The following ATG7 variants were observed in gnomAD, a reference collection of about 807,000 sequenced individuals.
The protein encoded by ATG7 is autophagy related 7, also known as ubiquitin-like modifier-activating enzyme ATG7.
A neutral mutation model predicts 82.4 loss-of-function variants in ATG7; 70 were observed. The observed-to-expected ratio is 0.85, with a 90% CI of 0.70 to 1.04. ATG7 has a LOEUF of 1.04. Ranked by LOEUF, ATG7 falls within the 50% of genes least tolerant of loss-of-function variation. The pLI is 0.00. For synonymous variants in ATG7, 287 were observed against 313.0 expected, an observed-to-expected ratio of 0.92 and a Z score of 0.88; for missense variants, 792 against 864.3, an observed-to-expected ratio of 0.92 and a Z score of 1.05.
At chr3:11,396,535 T>C (rs1366324591) in intron 19 of ATG7, among the ~76,000 whole-genome samples, 1 of 151,738 alleles carries the variant, frequency 6.6e-6, no homozygotes, top group South Asian at 2.1e-4. Context: ...AAATAGAAAT[T>C]TAAGGCCGAG....
At chr3:11,526,245 G>C (rs575848093) in intron 20 of ATG7, among the ~76,000 whole-genome samples, 1 of 152,146 alleles carries the variant, frequency 6.6e-6, no homozygotes, top group East Asian at 1.9e-4. Context: ...ACAAAAATTA[G>C]CCGGGCCTAG....
At chr3:11,335,242 AC>A (rs1952259462) in intron 11 of ATG7, among the ~76,000 whole-genome samples, 1 of 151,860 alleles carries the variant, frequency 6.6e-6, no homozygotes, top group Non-Finnish European at 1.5e-5. Flanking sequence ...ATGTTAACTT[AC>A]ATGCTATACC....
chr3:11,512,234 C>A (rs1272790343), intron 20 of ATG7, among the ~76,000 whole-genome samples: 3 of 152,202 alleles, frequency 2.0e-5, no homozygotes, highest in Non-Finnish European at 2.9e-5. Context: ...CCCCACACCC[C>A]TCTCCCCTCC....
At chr3:11,412,302 G>C (rs2080985747) in intron 19 of ATG7, among the ~76,000 whole-genome samples, 1 of 148,874 alleles carries the variant, frequency 6.7e-6, no homozygotes, top group South Asian at 2.1e-4. Flanking sequence ...GTCCTTTCCT[G>C]AGGGAAGGAA....
At chr3:11,274,605 C>T (rs978180138) in intron 1 of ATG7, among the ~76,000 whole-genome samples, 9 of 152,066 alleles carry the variant, frequency 5.9e-5, no homozygotes, top group African/African-American at 2.2e-4. Flanking sequence ...CTAGCCACAT[C>T]GTGAAGGGCC....
At chr3:11,427,854 C>T (rs1475540073) in intron 20 of ATG7, among the ~76,000 whole-genome samples, 4 of 151,898 alleles carry the variant, frequency 2.6e-5, no homozygotes, top group Admixed American at 6.6e-5. Flanking sequence ...TCCAAATGCT[C>T]GCTGTTCTTA....
chr3:11,371,985 A>T (rs908780812), intron 18 of ATG7, among the ~76,000 whole-genome samples: 2 of 151,302 alleles, frequency 1.3e-5, no homozygotes, highest in African/African-American at 4.9e-5. Context: ...CCAAACAACC[A>T]TATAAAGCGA....
At chr3:11,563,533 G>A in the ATG7 span, among the ~76,000 whole-genome samples, 2 of 152,322 alleles carry the variant, frequency 1.3e-5, no homozygotes, top group South Asian at 2.1e-4. Context: ...CCGTGACAGT[G>A]TCCACACACA....
intron 1 of ATG7, among the ~76,000 whole-genome samples, chr3:11,273,090 T>A (rs1940865138): frequency 6.6e-6 from 1 of 152,240 alleles, no homozygotes; most frequent in Non-Finnish European, 1.5e-5. Context: ...TGCACGTGCG[T>A]GCAGTTTCCT....
intron 14 of ATG7, among the ~76,000 whole-genome samples, chr3:11,354,788 C>A (rs545617695): frequency 2.0e-5 from 3 of 151,952 alleles, no homozygotes; most frequent in Non-Finnish European, 4.4e-5. Flanking sequence ...AACAATTACA[C>A]GCTGGGACAA....
chr3:11,298,865 T>G lies in ATG7; in HGVS notation c.160+10T>G, dbSNP rs371695750. 8.1e-6 allele frequency: 13 copies of G among 1,613,616 alleles called. No individual in the cohort carries two copies. In the African/African-American group the frequency reaches 1.6e-4, roughly 20 times the overall value. Reference sequence around the variant, plus strand: ...GGTTATTACTACAATGGTAGGTGATTGTAAATTTCATTTTCCATCATCTTC... The same window carrying G: ...GGTTATTACTACAATGGTAGGTGATGGTAAATTTCATTTTCCATCATCTTC... On this transcript the variant is annotated intron_variant, in intron 4 of 20. Transcript: ENST00000693202.
chr3:11,413,895 A>G (rs1354847682), intron 19 of ATG7, among the ~76,000 whole-genome samples: 2 of 152,066 alleles, frequency 1.3e-5, no homozygotes, highest in African/African-American at 4.8e-5. Context: ...TACTGATTCA[A>G]TCTCCTTATT....
chr3:11,439,069 CTT>C (rs67206280), intron 20 of ATG7, among the ~76,000 whole-genome samples: 8 of 121,958 alleles, frequency 6.6e-5, no homozygotes, highest in Non-Finnish European at 8.2e-5. Context: ...TTCTTTCTTT[CTT>C]TTTTTTTTTT....
At chr3:11,568,246 T>G in the ATG7 span, among the ~76,000 whole-genome samples, 1 of 152,180 alleles carries the variant, frequency 6.6e-6, no homozygotes, top group Non-Finnish European at 1.5e-5. The surrounding 1 kb of genome is among the most constrained non-coding windows in gnomAD (Gnocchi z 5.9). Flanking sequence ...CCTCGCACCT[T>G]ATGTCCTAGG....
At chr3:11,493,082 A>G (rs1028792237) in intron 20 of ATG7, among the ~76,000 whole-genome samples, 7 of 152,260 alleles carry the variant, frequency 4.6e-5, no homozygotes, top group South Asian at 2.1e-4. Context: ...TTGTTGTCCA[A>G]TGCCAAAAAA....
intron 18 of ATG7, among the ~76,000 whole-genome samples, chr3:11,373,630 C>T (rs1575803626): frequency 6.6e-6 from 1 of 152,168 alleles, no homozygotes; most frequent in South Asian, 2.1e-4. Flanking sequence ...AGGAAGGTCA[C>T]GGTGAATTTT....
At chr3:11,406,093 G>A (rs1046491147) in intron 19 of ATG7, among the ~76,000 whole-genome samples, 4 of 151,728 alleles carry the variant, frequency 2.6e-5, no homozygotes, top group South Asian at 2.1e-4. Context: ...AGGCTCAAGC[G>A]ATCCTCTCAC....
chr3:11,279,634 G>A (rs955656804), intron 1 of ATG7, among the ~76,000 whole-genome samples: 1 of 152,040 alleles, frequency 6.6e-6, no homozygotes, highest in Non-Finnish European at 1.5e-5. Flanking sequence ...CAGTGAAGCC[G>A]AAATTGAGCC....
At chr3:11,506,773 C>G (rs545519216) in intron 20 of ATG7, among the ~76,000 whole-genome samples, 2 of 151,960 alleles carry the variant, frequency 1.3e-5, no homozygotes, top group East Asian at 1.9e-4. Context: ...ATGCTTCCAT[C>G]ATCACAGAAA....
Sources: allele counts gnomAD v4.1 joint callset (sites outside exome capture counted in the v4.1 genomes callset), GRCh38; gene constraint gnomAD v4.1.1; non-coding constraint Gnocchi (gnomAD v3.1); transcripts MANE v1.5; gene names NCBI Gene and HGNC (gene_info 2026-07-23, HGNC 2026-07-21).